Variants in HECW2 observed in about 807,000 individuals in gnomAD.
The protein encoded by HECW2 is E3 ubiquitin-protein ligase HECW2.
HECW2 carries 61 observed loss-of-function variants against 175.2 expected under a neutral mutation model. The observed-to-expected ratio is 0.35, with a 90% CI of 0.28 to 0.43. The LOEUF is 0.43. HECW2 is among the 20% of genes least tolerant of loss of function. The pLI is 1.00. For synonymous variants in HECW2, 671 were observed against 731.0 expected, an observed-to-expected ratio of 0.92 and a Z score of 1.32; for missense variants, 1,524 against 2,000.5, an observed-to-expected ratio of 0.76 and a Z score of 4.54.
At chr2:196,586,293 T>C (rs1690972047) in intron 1 of HECW2, among the ~76,000 whole-genome samples, 1 of 152,222 alleles carries the variant, frequency 6.6e-6, no homozygotes, top group Non-Finnish European at 1.5e-5. Context: ...TTGCCACAGT[T>C]CACCACGGGC....
chr2:196,359,124 ACACCCTCCT>A (rs1693493005), intron 2 of HECW2, among the ~76,000 whole-genome samples: 1 of 152,134 alleles, frequency 6.6e-6, no homozygotes, highest in African/African-American at 2.4e-5. Context: ...ATTTGATTAC[ACACCCTCCT>A]TTCTTTCCTC....
rs137999706 is a variant in HECW2, at chr2:196,354,903, G to A, written c.293-11139C>T. 6.8e-3 allele frequency among the ~76,000 whole-genome samples: 1,031 copies of A among 152,280 alleles called. 9 individuals carry two copies. Among genetic ancestry groups the A allele is most frequent in the Middle Eastern group, 0.02 (6 of 294 alleles). On this transcript the variant is annotated intron_variant, in intron 2 of 28. Transcript: ENST00000644978. The stretch of plus-strand genomic sequence containing the variant: ...TACCTAAGATCACATAACCAGTTTC[G>A]AGTAAGGCCTTTGAAACATCTTAAA...
chr2:196,470,895 G>C (rs948801921), intron 1 of HECW2, among the ~76,000 whole-genome samples: 1 of 149,106 alleles, frequency 6.7e-6, no homozygotes, highest in African/African-American at 2.5e-5. Context: ...AAGAAAAAAA[G>C]AAAACAGCAA....
chr2:196,391,519 T>C (rs951146978), intron 2 of HECW2, among the ~76,000 whole-genome samples: 1 of 152,232 alleles, frequency 6.6e-6, no homozygotes, highest in African/African-American at 2.4e-5. Context: ...ATGTTTTAGA[T>C]GATAGGATCT....
At chr2:196,206,843 T>A (rs1471837687) in intron 28 of HECW2, among the ~76,000 whole-genome samples, 1 of 152,220 alleles carries the variant, frequency 6.6e-6, no homozygotes, top group Non-Finnish European at 1.5e-5. Context: ...TTTGTTTCAT[T>A]AGTCCCAAAG....
At chr2:196,573,553 A>C (rs2125517538) in intron 1 of HECW2, among the ~76,000 whole-genome samples, 1 of 152,134 alleles carries the variant, frequency 6.6e-6, no homozygotes, top group Non-Finnish European at 1.5e-5. Flanking sequence ...GAAAATTATC[A>C]CTATATGACC....
intron 1 of HECW2, among the ~76,000 whole-genome samples, chr2:196,582,062 T>C (rs1264240165): frequency 4.3e-5 from 6 of 140,174 alleles, no homozygotes; most frequent in Non-Finnish European, 5.9e-5. Flanking sequence ...TGAGACTCCA[T>C]CTCGAAAAAT....
intron 1 of HECW2, among the ~76,000 whole-genome samples, chr2:196,540,431 C>T (rs1029865047): frequency 6.6e-6 from 1 of 151,842 alleles, no homozygotes; most frequent in Non-Finnish European, 1.5e-5. Flanking sequence ...ATTTATTTTT[C>T]TTTCTTTTTT....
intron 2 of HECW2, among the ~76,000 whole-genome samples, chr2:196,418,134 CT>C (rs531703855): frequency 1.0e-3 from 145 of 144,966 alleles, no homozygotes; most frequent in Admixed American, 1.2e-3. Context: ...ATGATCACTT[CT>C]TTTTTTTTTT....
rs186046191 is a variant in HECW2 at position 196,505,309 on chromosome 2, C to T, written c.-35-71851G>A. ...ATCCCAGCACTTTGGGAAGCTGAGG[C>T]GGGTGGATCACCTGAGGTCAAGAGA... On this transcript the variant is annotated intron_variant, in intron 1 of 28. Coordinates refer to ENST00000644978, the MANE Select transcript of HECW2 (RefSeq NM_001348768.2). 5.3e-3 allele frequency among the ~76,000 whole-genome samples: 799 copies of T among 152,190 alleles called. 15 individuals are homozygous for T. Among genetic ancestry groups the T allele is most frequent in the South Asian group, 0.041 (197 of 4,818 alleles).
intron 1 of HECW2, among the ~76,000 whole-genome samples, chr2:196,454,834 A>C (rs1029950958): frequency 6.6e-6 from 1 of 152,126 alleles, no homozygotes; most frequent in African/African-American, 2.4e-5. Flanking sequence ...TTAAATGGGG[A>C]TTGTATCATT....
chr2:196,369,840 C>A (rs1055102907), intron 2 of HECW2, among the ~76,000 whole-genome samples: 8 of 152,132 alleles, frequency 5.3e-5, no homozygotes, highest in African/African-American at 1.9e-4. Flanking sequence ...CTGGCTACTA[C>A]TGATATTCAT....
chr2:196,232,790 G>A (rs926864225), intron 21 of HECW2, among the ~76,000 whole-genome samples: 1 of 152,220 alleles, frequency 6.6e-6, no homozygotes, highest in African/African-American at 2.4e-5. Flanking sequence ...GTTCCCTGAG[G>A]AATTAAACTG....
chr2:196,525,029 C>G (rs1241298864), intron 1 of HECW2, among the ~76,000 whole-genome samples: 2 of 139,438 alleles, frequency 1.4e-5, no homozygotes, highest in East Asian at 2.0e-4. Context: ...TCCTGGGTAT[C>G]CTTGTTGACT....
intron 28 of HECW2, among the ~76,000 whole-genome samples, chr2:196,203,001 T>C (rs776673380): frequency 6.6e-6 from 1 of 152,188 alleles, no homozygotes; most frequent in Non-Finnish European, 1.5e-5. Flanking sequence ...AAACAAAGTT[T>C]TGACCGCGTT....
intron 13 of HECW2, among the ~76,000 whole-genome samples, chr2:196,296,616 C>A (rs773152364): frequency 1.3e-5 from 2 of 152,132 alleles, no homozygotes; most frequent in African/African-American, 2.4e-5. Context: ...AAGCCCTGTG[C>A]TAAACCCTGA....
At chr2:196,509,370 T>C (rs535050010) in intron 1 of HECW2, among the ~76,000 whole-genome samples, 1 of 152,314 alleles carries the variant, frequency 6.6e-6, no homozygotes, top group South Asian at 2.1e-4. Flanking sequence ...TAAAGAAGCT[T>C]CATTATGTAA....
rs1261281515 is a variant in HECW2, at chr2:196,560,766, A to C, written c.-36+32742T>G. ...GACCGCGAACGGAGAGACTTGCTGA[A>C]GCCGTGACAGAAGAACATAAATTGT... is the stretch of plus-strand genomic sequence containing the variant. On this transcript the variant is annotated intron_variant, in intron 1 of 28. Coordinates refer to ENST00000644978, the MANE Select transcript of HECW2 (RefSeq NM_001348768.2). Among the ~76,000 whole-genome samples the C allele has an allele frequency of 1.8e-4, 27 of 152,220 alleles. 1 individual carries two copies. Among genetic ancestry groups the C allele is most frequent in the Admixed American group, 1.7e-3 (26 of 15,280 alleles).
At chr2:196,310,755 G>A (rs1032598475) in intron 10 of HECW2, among the ~76,000 whole-genome samples, 6 of 69,920 alleles carry the variant, frequency 8.6e-5, no homozygotes, top group Non-Finnish European at 1.8e-4. Flanking sequence ...CAGTGAAAAC[G>A]AGAGCAACGA....
Sources: gnomAD v4.1 joint callset for allele counts (sites outside exome capture counted in the v4.1 genomes callset) on GRCh38, gnomAD v4.1.1 for gene constraint, MANE v1.5 for transcripts, NCBI Gene and HGNC (gene_info 2026-07-23, HGNC 2026-07-21) for gene names.